FSTL4: variants seen among roughly 807,000 people sequenced by gnomAD.
FSTL4 encodes the protein follistatin like 4.
A neutral mutation model predicts 78.2 loss-of-function variants in FSTL4; 28 were observed. The ratio of observed to expected loss-of-function variants is 0.36; its 90% CI spans 0.27 to 0.49. The LOEUF is 0.49. Among genes scored for constraint, FSTL4 ranks in the 20% least tolerant of loss-of-function variants. The pLI is 0.98. For synonymous variants in FSTL4, 422 were observed against 440.5 expected (o/e 0.96, Z 0.53); for missense variants, 922 against 1,084.9 (o/e 0.85, Z 2.11).
intron 3 of FSTL4, among the ~76,000 whole-genome samples, chr5:133,470,313 A>C (rs1230759682): frequency 3.9e-5 from 6 of 152,272 alleles, no homozygotes; most frequent in Non-Finnish European, 5.9e-5. Flanking sequence ...GAGATAATCC[A>C]TGTGACAGAA....
At chr5:133,734,579 T>C in the FSTL4 span, among the ~76,000 whole-genome samples, 1 of 152,188 alleles carries the variant, frequency 6.6e-6, no homozygotes, top group South Asian at 2.1e-4. Flanking sequence ...TGGGGAGTCA[T>C]TGCACTAACA....
intron 3 of FSTL4, among the ~76,000 whole-genome samples, chr5:133,526,849 G>A (rs1049299772): frequency 2.6e-5 from 4 of 152,116 alleles, no homozygotes; most frequent in African/African-American, 4.8e-5. Flanking sequence ...GCTGGTGAAC[G>A]GGCTGAAGTT....
intron 4 of FSTL4, among the ~76,000 whole-genome samples, chr5:133,328,825 T>C (rs1198590944): frequency 6.6e-6 from 1 of 152,164 alleles, no homozygotes; most frequent in Non-Finnish European, 1.5e-5. Context: ...TTTAATTTTA[T>C]TAATTTTGTT....
At chr5:133,215,694 C>CA (rs1162189065) in intron 13 of FSTL4, among the ~76,000 whole-genome samples, 2 of 152,160 alleles carry the variant, frequency 1.3e-5, no homozygotes, top group African/African-American at 4.8e-5. Flanking sequence ...ACCAGAAAGC[C>CA]AAAATCAATT....
chr5:133,479,849 T>A (rs927050942), intron 3 of FSTL4, among the ~76,000 whole-genome samples: 3 of 152,202 alleles, frequency 2.0e-5, no homozygotes, highest in African/African-American at 7.2e-5. Context: ...GTAAATTATA[T>A]CCCAATAAAG....
upstream of FSTL4, chr5:133,612,591 A>T (rs994150147): frequency 5.9e-5 from 9 of 151,670 alleles, no homozygotes; most frequent in Admixed American, 2.6e-4. This position sits in a 1 kb window ranked among gnomAD's most constrained non-coding sequence, Gnocchi z 6.2. Context: ...CCGCCTGCCC[A>T]ATCGCCGCCA....
chr5:133,239,810 C>T lies in FSTL4; in HGVS notation c.895-6273G>A, dbSNP rs112623711. Among the ~76,000 whole-genome samples, 22 of 152,258 alleles carry T rather than the reference C, an allele frequency of 1.4e-4. 1 individual carries two copies. The highest frequency in any genetic ancestry group is 4.1e-4 in the African/African-American group (17 of 41,554). ...TGTATCTAGCTAATCTAGTGGGGAC[C>T]GTGGAGAACTTTTGTGTCTAGCTCA... On this transcript the variant is annotated intron_variant, in intron 7 of 15. Coordinates refer to ENST00000265342, the MANE Select transcript of FSTL4 (RefSeq NM_015082.2).
chr5:133,468,286 A>G (rs935910023), intron 3 of FSTL4, among the ~76,000 whole-genome samples: 1 of 152,230 alleles, frequency 6.6e-6, no homozygotes, highest in Non-Finnish European at 1.5e-5. Context: ...GCCCCAGGGC[A>G]TCGCTCTCCT....
At chr5:133,405,563 C>T (rs1035097368) in intron 3 of FSTL4, among the ~76,000 whole-genome samples, 1 of 152,220 alleles carries the variant, frequency 6.6e-6, no homozygotes, top group Admixed American at 6.5e-5. Flanking sequence ...TGACCCAGAG[C>T]GAGGCTTTGC....
chr5:133,395,971 T>C (rs958254045), intron 4 of FSTL4, among the ~76,000 whole-genome samples: 2 of 152,178 alleles, frequency 1.3e-5, no homozygotes, highest in African/African-American at 4.8e-5. Context: ...CTAGATGAAC[T>C]TGGGTGGCTC....
intron 6 of FSTL4, among the ~76,000 whole-genome samples, chr5:133,283,140 G>A (rs1277480899): frequency 1.3e-5 from 2 of 152,218 alleles, no homozygotes. Context: ...TGGTGACAGA[G>A]ATTTTCAAGA....
chr5:133,648,011 C>T, the FSTL4 span, among the ~76,000 whole-genome samples: 5,600 of 152,222 alleles, frequency 0.037, 349 homozygotes, highest in African/African-American at 0.13. Flanking sequence ...CCTGCACAAG[C>T]TCTCTTTGCC....
chr5:133,480,956 C>T (rs930029465), intron 3 of FSTL4, among the ~76,000 whole-genome samples: 2 of 152,164 alleles, frequency 1.3e-5, no homozygotes, highest in African/African-American at 4.8e-5. Context: ...ACATTTACGG[C>T]CCCGTGTGTG....
chr5:133,672,042 T>C, the FSTL4 span, among the ~76,000 whole-genome samples: 1 of 152,362 alleles, frequency 6.6e-6, no homozygotes, highest in East Asian at 1.9e-4. Flanking sequence ...GAACCTCTAC[T>C]TTACTTTTTA....
chr5:133,767,253 C>A, the FSTL4 span, among the ~76,000 whole-genome samples: 3 of 152,128 alleles, frequency 2.0e-5, no homozygotes, highest in African/African-American at 7.2e-5. Context: ...ATCAGTCATT[C>A]ATTTATCGAG....
intron 2 of FSTL4, among the ~76,000 whole-genome samples, chr5:133,600,562 G>A (rs1218184615): frequency 6.6e-6 from 1 of 152,172 alleles, no homozygotes; most frequent in East Asian, 1.9e-4. Context: ...CCACCCAGCT[G>A]TATTTCTTTT....
intron 3 of FSTL4, among the ~76,000 whole-genome samples, chr5:133,498,514 T>C (rs1580747616): frequency 6.6e-6 from 1 of 151,784 alleles, no homozygotes; most frequent in South Asian, 2.1e-4. Flanking sequence ...AGGCTGGGAG[T>C]TCGAGATCAG....
At chr5:133,798,970 A>AGGG in the FSTL4 span, among the ~76,000 whole-genome samples, 1 of 61,944 alleles carries the variant, frequency 1.6e-5, no homozygotes, top group African/African-American at 1.2e-4. Flanking sequence ...GGGAGGGAGG[A>AGGG]AGGGAGGGAG....
intron 3 of FSTL4, among the ~76,000 whole-genome samples, chr5:133,472,590 T>G (rs780053860): frequency 2.0e-5 from 3 of 151,588 alleles, no homozygotes; most frequent in Non-Finnish European, 4.4e-5. Flanking sequence ...CAGAAAAGAG[T>G]CTTCACTGAA....
Sources: gnomAD v4.1 joint callset for allele counts (sites outside exome capture counted in the v4.1 genomes callset) on GRCh38, gnomAD v4.1.1 for gene constraint, Gnocchi (gnomAD v3.1) non-coding constraint, MANE v1.5 for transcripts, NCBI Gene and HGNC (gene_info 2026-07-23, HGNC 2026-07-21) for gene names.